The following COL6A6 variants were observed in gnomAD, a reference collection of about 807,000 sequenced individuals.
COL6A6 encodes the protein collagen type VI alpha 6 chain.
COL6A6 carries 183 observed loss-of-function variants against 208.6 expected under a neutral mutation model. The observed-to-expected ratio is 0.88, with a 90% CI of 0.78 to 0.99. The LOEUF is 0.99. COL6A6 is among the 50% of genes least tolerant of loss of function. The pLI is 0.00. For missense variants in COL6A6, 2,816 were observed against 2,815.2 expected (o/e 1.00, Z -0.01); for synonymous variants, 973 against 1,011.8 (o/e 0.96, Z 0.73).
intron 1 of COL6A6, among the ~76,000 whole-genome samples, chr3:130,523,279 C>G (rs550990859): frequency 6.6e-6 from 1 of 152,248 alleles, no homozygotes; most frequent in South Asian, 2.1e-4. Flanking sequence ...AAAAGCATTA[C>G]TGGACCCCCT....
chr3:130,605,381 TGTGTGTGTGA>T (rs796309068), intron 20 of COL6A6, among the ~76,000 whole-genome samples: 53 of 144,756 alleles, frequency 3.7e-4, no homozygotes, highest in Middle Eastern at 3.6e-3. Context: ...ACTGTGTGTG[TGTGTGTGTGA>T]GATCTTTATG....
intron 23 of COL6A6, among the ~76,000 whole-genome samples, chr3:130,614,582 T>A (rs1437955439): frequency 6.6e-6 from 1 of 152,214 alleles, no homozygotes; most frequent in Non-Finnish European, 1.5e-5. Flanking sequence ...TCAGTAGGAA[T>A]GATATCAGCT....
At chr3:130,660,621 T>C (rs894850674) in intron 34 of COL6A6, among the ~76,000 whole-genome samples, 3 of 152,220 alleles carry the variant, frequency 2.0e-5, no homozygotes, top group African/African-American at 7.2e-5. Context: ...AAGGGGTCTG[T>C]AGGTGAGCCT....
chr3:130,620,746 T>A (rs770938641), intron 23 of COL6A6, among the ~76,000 whole-genome samples: 4 of 152,242 alleles, frequency 2.6e-5, no homozygotes, highest in Non-Finnish European at 4.4e-5. Flanking sequence ...GATGAAAATG[T>A]TAATGTTACA....
chr3:130,569,626 C>T (rs1052572438), intron 6 of COL6A6, among the ~76,000 whole-genome samples: 1 of 152,188 alleles, frequency 6.6e-6, no homozygotes, highest in African/African-American at 2.4e-5. Context: ...AAAGAGTACA[C>T]CTGGTTTCTA....
chr3:130,568,496 C>A lies in COL6A6; in HGVS notation c.2293C>A (p.Leu765Ile). Residue 765 changes from leucine (L) to isoleucine (I), a missense_variant, in exon 6 of 37, where the codon CTT (leucine) becomes ATT (isoleucine). Transcript: ENST00000358511. ...AGTGTTTGGCTCCAATGTCACCCAG[C>A]TTGAGGAGATCAGTGGGAGGCCCGA... is the stretch of plus-strand genomic sequence containing the variant. Reference protein sequence around the residue: ...VGVFGSNVTQLEEISGRPEMV... With the variant: ...VGVFGSNVTQIEEISGRPEMV... 3 of 1,613,750 alleles carry A rather than the reference C, an allele frequency of 1.9e-6. No individual in the cohort carries two copies. The highest frequency in any genetic ancestry group is 2.5e-6 in the Non-Finnish European group (3 of 1,179,852).
At chr3:130,517,105 C>A (rs1710774290), upstream of COL6A6, among the ~76,000 whole-genome samples, 1 of 152,164 alleles carries the variant, frequency 6.6e-6, no homozygotes. Context: ...GGGCCCGGGG[C>A]CGCCGGGGCG....
At chr3:130,670,357 A>C (rs2066181469) in intron 36 of COL6A6, among the ~76,000 whole-genome samples, 1 of 152,204 alleles carries the variant, frequency 6.6e-6, no homozygotes, top group Non-Finnish European at 1.5e-5. Context: ...GTTAGCTTGC[A>C]CAGGGCCTGG....
intron 28 of COL6A6, among the ~76,000 whole-genome samples, chr3:130,639,766 A>T (rs1049310059): frequency 6.6e-6 from 1 of 151,928 alleles, no homozygotes; most frequent in East Asian, 1.9e-4. Flanking sequence ...CCGGTTTCCC[A>T]AAGAGAGTGA....
intron 1 of COL6A6, among the ~76,000 whole-genome samples, chr3:130,544,331 G>A (rs2062442737): frequency 6.6e-6 from 1 of 152,116 alleles, no homozygotes; most frequent in Non-Finnish European, 1.5e-5. Context: ...TGTGGCAAAT[G>A]GGAGGATATC....
chr3:130,595,632 A>G (rs2063830562), intron 18 of COL6A6, among the ~76,000 whole-genome samples: 4 of 152,322 alleles, frequency 2.6e-5, no homozygotes, highest in African/African-American at 9.6e-5. Flanking sequence ...GTGTATAACA[A>G]TAGTTCATTC....
chr3:130,595,049 C>T (rs527590157), intron 18 of COL6A6, among the ~76,000 whole-genome samples: 1 of 152,240 alleles, frequency 6.6e-6, no homozygotes, highest in African/African-American at 2.4e-5. Context: ...ATCAGTTCTC[C>T]AAGAATTTTT....
chr3:130,548,199 A>G (rs2062563744), intron 1 of COL6A6, among the ~76,000 whole-genome samples: 1 of 152,188 alleles, frequency 6.6e-6, no homozygotes, highest in African/African-American at 2.4e-5. Flanking sequence ...TTAACGTTTT[A>G]GAAAGTCTTG....
At chr3:130,595,813 ATATTTT>A (rs1160809117) in intron 18 of COL6A6, among the ~76,000 whole-genome samples, 2 of 152,168 alleles carry the variant, frequency 1.3e-5, no homozygotes, top group Non-Finnish European at 2.9e-5. Context: ...TATTGGGTCT[ATATTTT>A]AAGAGTAGAA....
chr3:130,543,900 AAAGT>A (rs1487782997), intron 1 of COL6A6, among the ~76,000 whole-genome samples: 2 of 152,174 alleles, frequency 1.3e-5, no homozygotes, highest in African/African-American at 4.8e-5. Context: ...TTTGTTTGAG[AAAGT>A]ATTTCTTCAC....
At chr3:130,663,090 A>G (rs189250887) in intron 35 of COL6A6, among the ~76,000 whole-genome samples, 1 of 152,190 alleles carries the variant, frequency 6.6e-6, no homozygotes, top group Non-Finnish European at 1.5e-5. Context: ...CAGGCAAAAG[A>G]GTACCCGGTG....
At chr3:130,648,496 G>T (rs2065525869) in intron 32 of COL6A6, among the ~76,000 whole-genome samples, 1 of 152,214 alleles carries the variant, frequency 6.6e-6, no homozygotes. Flanking sequence ...CAGACAGGAT[G>T]AGTAATTCAG....
At chr3:130,572,195 A>G (rs905916857) in intron 7 of COL6A6, among the ~76,000 whole-genome samples, 8 of 152,242 alleles carry the variant, frequency 5.3e-5, no homozygotes, top group Non-Finnish European at 1.0e-4. Context: ...TGTGAAGCCC[A>G]GTATTAAAAA....
Position 130,568,533 on chromosome 3 carries a change from A to T in COL6A6, c.2330A>T (p.Tyr777Phe). 1 of 1,611,860 alleles carries T rather than the reference A, an allele frequency of 6.2e-7. No individual in the cohort carries two copies. Among genetic ancestry groups the T allele is most frequent in the East Asian group, 2.2e-5 (1 of 44,870 alleles). The change falls in exon 6 of 37, where the codon TAT becomes TTT. Residue 777 changes from tyrosine (Y) to phenylalanine (F), a missense_variant. Tyr to Phe is a conservative substitution (Grantham distance 22). Transcript: ENST00000358511. The part of the protein sequence containing the change: ...EISGRPEMVF[Y>F]VENFDILQRI... ...AGTGGGAGGCCCGAGATGGTTTTTT[A>T]TGTTGAGAATTTTGACATTCTGCAG... is the stretch of plus-strand genomic sequence containing the variant.
Sources: allele counts gnomAD v4.1 joint callset (sites outside exome capture counted in the v4.1 genomes callset), GRCh38; gene constraint gnomAD v4.1.1; transcripts MANE v1.5; gene names NCBI Gene and HGNC (gene_info 2026-07-23, HGNC 2026-07-21).